The following PRKDC variants were observed in gnomAD, a reference collection of about 807,000 sequenced individuals.
PRKDC encodes the protein protein kinase, DNA-activated, catalytic subunit.
In PRKDC, 82 loss-of-function variants were observed where a neutral mutation model predicts 486.9. The observed-to-expected ratio is 0.17, with a 90% CI of 0.14 to 0.20. PRKDC has a LOEUF of 0.20. PRKDC is among the 10% of genes least tolerant of loss of function. The probability of loss-of-function intolerance (pLI) is 1.00; values close to 1 mark genes in which losing one functional copy is unlikely to be tolerated. For missense variants in PRKDC, 4,504 were observed against 5,038.2 expected, an observed-to-expected ratio of 0.89 and a Z score of 3.21; for synonymous variants, 1,895 against 1,837.0, an observed-to-expected ratio of 1.03 and a Z score of -0.81.
chr8:47,799,921 T>C (rs1000424437), intron 71 of PRKDC, among the ~76,000 whole-genome samples: 1 of 152,072 alleles, frequency 6.6e-6, no homozygotes, highest in Non-Finnish European at 1.5e-5. Context: ...GTCTGAATGG[T>C]GATGGGTGGG....
chr8:47,882,183 C>A, intron 36 of PRKDC, 86 bp from the exon 37 acceptor site: 1 of 1,277,248 alleles, frequency 7.8e-7, no homozygotes, highest in Non-Finnish European at 1.1e-6. Context: ...CAAAGCTATT[C>A]TTGGAAAATA....
chr8:47,944,083 A>G, intron 7 of PRKDC, 54 bp from the exon 8 acceptor site: 4 of 1,409,856 alleles, frequency 2.8e-6, no homozygotes, highest in Non-Finnish European at 3.9e-6. Context: ...ATCACATAAC[A>G]CACTTTACAG....
chr8:47,935,226 G>A (rs2154503760), intron 13 of PRKDC, among the ~76,000 whole-genome samples, 168 bp from the exon 14 acceptor site: 1 of 152,294 alleles, frequency 6.6e-6, no homozygotes, highest in Non-Finnish European at 1.5e-5. Flanking sequence ...TATTGGCCAG[G>A]CGCGGTGGCT....
intron 54 of PRKDC, among the ~76,000 whole-genome samples, chr8:47,844,958 G>A (rs1003659324): frequency 2.0e-5 from 3 of 152,154 alleles, no homozygotes; most frequent in Admixed American, 6.5e-5. Flanking sequence ...AGAGGCTGAT[G>A]CCTGTACCCA....
Position 47,840,152 on chromosome 8 carries a change from A to C in PRKDC, c.7318T>G (p.Tyr2440Asp), listed in dbSNP as rs764548881. The change falls in exon 55 of 86, where the codon TAT (tyrosine) becomes GAT (aspartate). Residue 2440 changes from tyrosine to aspartate, a missense_variant. Coordinates refer to ENST00000314191, the MANE Select transcript of PRKDC (RefSeq NM_006904.7). ...GGTTTTAACTTTGGCATCATCTTAT[A>C]AATTATGTCCAAACATACTTTTTGT... ...ERQKVCLDII[Y>D]KMMPKLKPVE... is the part of the protein sequence containing the mutation. The C allele has an allele frequency of 6.2e-7, 1 of 1,601,484 alleles. No homozygotes were observed. Among genetic ancestry groups the C allele is most frequent in the African/African-American group, 1.3e-5 (1 of 74,986 alleles).
chr8:47,894,410 A>G (rs1220127578), intron 30 of PRKDC, among the ~76,000 whole-genome samples: 2 of 152,272 alleles, frequency 1.3e-5, no homozygotes, highest in South Asian at 4.1e-4. Context: ...TTTAAATTCT[A>G]CATCAAGAGT....
At chr8:47,895,896 G>T (rs536254220) in intron 30 of PRKDC, among the ~76,000 whole-genome samples, 1 of 151,970 alleles carries the variant, frequency 6.6e-6, no homozygotes, top group Non-Finnish European at 1.5e-5. Flanking sequence ...AAAATTAGCC[G>T]GGCGTGGTAG....
intron 30 of PRKDC, among the ~76,000 whole-genome samples, chr8:47,896,758 G>T (rs1245613752): frequency 6.6e-6 from 1 of 152,164 alleles, no homozygotes; most frequent in Non-Finnish European, 1.5e-5. Context: ...CCACAATGGG[G>T]GAAGGCAGGG....
Position 47,960,041 on chromosome 8 carries a change from A to AGGGCAGCACCGCAGCGGT in PRKDC, c.68_85dup (p.Ala28_Leu29insHisArgCysGlyAlaAla). ...GCCGCGGATCAGTTGATGACCGGCC[A>AGGGCAGCACCGCAGCGGT]GGGCAGCACCGCAGCGGTCCGCAGC... On this transcript the variant is annotated inframe_insertion, in exon 1 of 86. Transcript: ENST00000314191. 1 of 1,533,572 alleles carries AGGGCAGCACCGCAGCGGT rather than the reference A, an allele frequency of 6.5e-7. No individual in the cohort carries two copies. Among genetic ancestry groups the AGGGCAGCACCGCAGCGGT allele is most frequent in the Non-Finnish European group, 8.7e-7 (1 of 1,146,332 alleles). The allele number at this position is 1,533,572 out of a possible 1,614,324, so 95.0% of individuals were successfully genotyped here.
intron 10 of PRKDC, 98 bp from the exon 11 acceptor site, chr8:47,939,795 ACT>A: frequency 9.3e-7 from 1 of 1,069,888 alleles, no homozygotes; most frequent in Non-Finnish European, 1.3e-6. Context: ...CTACTAATGT[ACT>A]GTTATAGTTA....
chr8:47,821,807 T>G lies in PRKDC; in HGVS notation c.8923-15A>C. 1.3e-6 allele frequency: 2 copies of G among 1,519,412 alleles called. No homozygotes were observed. The highest frequency in any genetic ancestry group is 1.8e-6 in the Non-Finnish European group (2 of 1,140,792). 94.1% of individuals were successfully genotyped at this position (1,519,412 alleles called of 1,614,324 possible). The stretch of plus-strand genomic sequence containing the variant: ...TTATTGAGAGCCTAGTGGAGAAAAG[T>G]TAATAAAATTATTTTACAAAGTTGG... On this transcript the variant is annotated splice_polypyrimidine_tract_variant and intron_variant, in intron 64 of 85. Transcript: ENST00000314191.
intron 16 of PRKDC, among the ~76,000 whole-genome samples, chr8:47,931,067 G>T (rs991175530): frequency 1.1e-4 from 17 of 152,212 alleles, no homozygotes; most frequent in African/African-American, 4.1e-4. Context: ...TAGCAATAAT[G>T]CCTTGACAGA....
chr8:47,947,580 C>G (rs547880115), intron 7 of PRKDC, among the ~76,000 whole-genome samples: 2 of 152,090 alleles, frequency 1.3e-5, no homozygotes, highest in Admixed American at 6.6e-5. Context: ...CAAGCCTGAC[C>G]GACATGGTGA....
chr8:47,853,645 G>A (rs548485325), intron 51 of PRKDC, among the ~76,000 whole-genome samples: 15 of 152,276 alleles, frequency 9.9e-5, no homozygotes, highest in Non-Finnish European at 1.8e-4. Context: ...AAAGCCTTCC[G>A]AGGGGCCTGC....
chr8:47,956,896 T>C (rs2090711654), intron 3 of PRKDC, among the ~76,000 whole-genome samples: 1 of 128,020 alleles, frequency 7.8e-6, no homozygotes, highest in Admixed American at 1.0e-4. Flanking sequence ...TTAAAAAAAA[T>C]TATCAAAGTA....
chr8:47,950,590 C>T (rs1163717960), intron 7 of PRKDC, among the ~76,000 whole-genome samples: 3 of 147,688 alleles, frequency 2.0e-5, no homozygotes, highest in African/African-American at 5.0e-5. Context: ...GATCATGCCA[C>T]TGCACTCCAG....
At chr8:47,810,003 G>T (rs1221769500) in intron 68 of PRKDC, among the ~76,000 whole-genome samples, 5 of 152,160 alleles carry the variant, frequency 3.3e-5, no homozygotes, top group African/African-American at 1.2e-4. Flanking sequence ...GGAGGGGAGA[G>T]AACCAGAGAA....
Position 47,789,180 on chromosome 8 carries a change from G to C in PRKDC, c.10729C>G (p.Gln3577Glu). The C allele has an allele frequency of 6.2e-7, 1 of 1,610,132 alleles. No homozygotes were observed. Among genetic ancestry groups the C allele is most frequent in the South Asian group, 1.1e-5 (1 of 89,938 alleles). ...VIQDFINALDQLSNPELLFKD... is the reference protein window; with the variant it reads ...VIQDFINALDELSNPELLFKD... The stretch of plus-strand genomic sequence containing the variant: ...AAGAGCAGTTCAGGATTAGAGAGCT[G>C]ATCTAAGGCATTAATAAAATCTTGA... The change falls in exon 75 of 86, where the codon CAG becomes GAG. Residue 3577 changes from glutamine to glutamate, a missense_variant. This residue lies in a region of PRKDC where 706 missense variants were observed against 945.0 expected (regional missense o/e 0.75). Transcript: ENST00000314191.
At position 47,826,745 on chromosome 8, in the gene PRKDC, G is replaced by T. The variant is rs779167053; in HGVS notation, c.8694C>A (p.Leu2898=). 21 of 1,613,044 alleles carry T rather than the reference G, an allele frequency of 1.3e-5. No homozygotes were observed. The highest frequency in any genetic ancestry group is 1.8e-5 in the Non-Finnish European group (21 of 1,179,698). The change falls in exon 63 of 86, where the codon CTC becomes CTA. Residue 2898 remains leucine, a synonymous_variant. Coordinates refer to ENST00000314191, the MANE Select transcript of PRKDC (RefSeq NM_006904.7). The stretch of plus-strand genomic sequence containing the variant: ...CAGGCAGCTCAGCAGGCAGCAGGCG[G>T]AGCAGAGCCTCCTCTAGCAGGCGGA... The part of the protein sequence containing the change: ...VGIRLLEEAL[L]RLLPAELPAK...
Sources: allele counts gnomAD v4.1 joint callset (sites outside exome capture counted in the v4.1 genomes callset), GRCh38; gene constraint gnomAD v4.1.1; regional missense constraint gnomAD v4.1.1; transcripts MANE v1.5; gene names NCBI Gene and HGNC (gene_info 2026-07-23, HGNC 2026-07-21).